The following EDARADD variants were observed in gnomAD, a reference collection of about 807,000 sequenced individuals.
EDARADD encodes ectodysplasin-A receptor-associated adapter protein.
A neutral mutation model predicts 25.6 loss-of-function variants in EDARADD; 20 were observed. The ratio of observed to expected loss-of-function variants is 0.78; its 90% CI spans 0.55 to 1.14. The LOEUF is 1.14. EDARADD is among the 50% of genes most tolerant of loss of function. The pLI is 0.00. For synonymous variants in EDARADD, 86 were observed against 94.4 expected, an observed-to-expected ratio of 0.91 and a Z score of 0.52; for missense variants, 225 against 270.1, an observed-to-expected ratio of 0.83 and a Z score of 1.17.
chr1:236,362,778 C>A (rs12565235), intron 3 of EDARADD, among the ~76,000 whole-genome samples: 21,473 of 150,998 alleles, frequency 0.14, 2,035 homozygotes, highest in East Asian at 0.43. Context: ...GTTATTCCAG[C>A]AACATCTGTT....
At chr1:236,363,006 A>AAAAAAAATATAT (rs1377112051) in intron 3 of EDARADD, among the ~76,000 whole-genome samples, 4 of 42,946 alleles carry the variant, frequency 9.3e-5, no homozygotes, top group African/African-American at 4.4e-4. Flanking sequence ...AAAAAAAAAA[A>AAAAAAAATATAT]ATATATATAT....
At chr1:236,381,776 CT>C (rs1300263414) in intron 3 of EDARADD, among the ~76,000 whole-genome samples, 122 of 16,624 alleles carry the variant, frequency 7.3e-3, no homozygotes, top group Middle Eastern at 0.05. Flanking sequence ...TGTAATATGT[CT>C]TTTTTTTTTT....
chr1:236,394,211 A>G, upstream of EDARADD: 1 of 530,576 alleles, frequency 1.9e-6, no homozygotes, highest in East Asian at 3.4e-5. Context: ...GTACAGAAAG[A>G]ACCACAAACC....
At chr1:236,388,560 C>CT (rs2102997984) in intron 3 of EDARADD, among the ~76,000 whole-genome samples, 1 of 152,268 alleles carries the variant, frequency 6.6e-6, no homozygotes, top group South Asian at 2.1e-4. Flanking sequence ...ATGTTTTTCA[C>CT]TAAAGCTTTG....
intron 3 of EDARADD, among the ~76,000 whole-genome samples, chr1:236,352,654 C>A (rs1666930026): frequency 6.6e-6 from 1 of 152,170 alleles, no homozygotes; most frequent in Admixed American, 6.5e-5. Context: ...TCAAGACCAG[C>A]CTGGCCAACA....
intron 3 of EDARADD, among the ~76,000 whole-genome samples, chr1:236,356,468 G>T (rs1284418835): frequency 6.6e-6 from 1 of 152,162 alleles, no homozygotes; most frequent in East Asian, 1.9e-4. Flanking sequence ...CCCAGTTTGA[G>T]TATCAGTGTT....
intron 5 of EDARADD, among the ~76,000 whole-genome samples, chr1:236,476,537 TTG>T (rs1322804229): frequency 4.6e-5 from 7 of 151,528 alleles, no homozygotes; most frequent in Admixed American, 1.3e-4. Flanking sequence ...TTTTTTTTTT[TTG>T]TTTGAGATGG....
rs1428417333 is a variant in EDARADD, at chr1:236,352,238, C to T, written c.-6+1399C>T. On this transcript the variant is annotated intron_variant, in intron 3 of 7. Coordinates refer to the EDARADD transcript ENST00000439430. ...CGTCTCAATGCCCGCTAAAACTGGC[C>T]TTTTAGTTATTGGTTAGGTTATTAT... is the stretch of plus-strand genomic sequence containing the variant. Among the ~76,000 whole-genome samples the T allele has an allele frequency of 2.6e-5, 4 of 152,098 alleles. No homozygotes were observed. The East Asian group carries it at 7.7e-4, about 29-fold the overall frequency.
intron 5 of EDARADD, among the ~76,000 whole-genome samples, chr1:236,479,446 G>C (rs1379789578): frequency 2.0e-5 from 3 of 150,862 alleles, no homozygotes; most frequent in Middle Eastern, 3.2e-3. Context: ...AGTGAGCCGT[G>C]ATTGTGCCAC....
rs559011066 is a variant in EDARADD, at chr1:236,456,637, A to G, written c.220-11594A>G. Among the ~76,000 whole-genome samples, 4 of 151,878 alleles carry G rather than the reference A, an allele frequency of 2.6e-5. No individual in the cohort carries two copies. The South Asian group carries it at 8.3e-4, about 32-fold the overall frequency. ...GCCACCACAGGAATGGCCACGCCTC[A>G]GATCATGTCACCGCTGGGAACAAAC... is the stretch of plus-strand genomic sequence containing the variant. On this transcript the variant is annotated intron_variant, in intron 4 of 5. Coordinates refer to ENST00000334232, the MANE Select transcript of EDARADD (RefSeq NM_145861.4).
intron 3 of EDARADD, among the ~76,000 whole-genome samples, chr1:236,353,703 T>C (rs1041511502): frequency 1.6e-4 from 23 of 140,100 alleles, no homozygotes; most frequent in Non-Finnish European, 3.2e-4. Context: ...AAAAAAGATA[T>C]TGGACTAAGG....
rs1409409334 is a variant in EDARADD at position 236,464,008 on chromosome 1, G to A, written c.220-4223G>A. Among the ~76,000 whole-genome samples, 6 of 152,290 alleles carry A rather than the reference G, an allele frequency of 3.9e-5. No individual in the cohort carries two copies. The East Asian group carries it at 1.2e-3, about 29-fold the overall frequency. ...GTTTGGAGAAGGTGTCCTAGCAGAA[G>A]TGATGTCTAAGCTGAGGCCCTACAG... On this transcript the variant is annotated intron_variant, in intron 4 of 5. Transcript: ENST00000334232.
intron 3 of EDARADD, among the ~76,000 whole-genome samples, chr1:236,424,078 C>T (rs2103014747): frequency 6.6e-6 from 1 of 151,330 alleles, no homozygotes; most frequent in Non-Finnish European, 1.5e-5. Context: ...TGCACTCCAG[C>T]CTGGGTGACA....
intron 4 of EDARADD, among the ~76,000 whole-genome samples, chr1:236,447,230 T>TTTCTTCCTTTCTTCCTTTCTTCCTTTC (rs1553268569): frequency 2.4e-5 from 3 of 126,464 alleles, no homozygotes; most frequent in African/African-American, 1.1e-4. Context: ...CTTTCCTTTC[T>TTTCTTCCTTTCTTCCTTTCTTCCTTTC]TTCCTTTCTT....
At chr1:236,348,820 C>T (rs991080230) in exon 2 of EDARADD, 1 of 152,206 alleles carries the variant, frequency 6.6e-6, no homozygotes, top group Non-Finnish European at 1.5e-5. Context: ...CACCTTTTCT[C>T]CAGTCCTTCT....
intron 3 of EDARADD, among the ~76,000 whole-genome samples, chr1:236,422,189 G>A (rs1657800315): frequency 6.6e-6 from 1 of 152,214 alleles, no homozygotes; most frequent in Admixed American, 6.5e-5. Flanking sequence ...CGAACCTGCT[G>A]CCTGATATGA....
chr1:236,483,625 A>G lies in EDARADD; in HGVS notation c.*976A>G, dbSNP rs773303070. 91 of 1,553,724 alleles carry G rather than the reference A, an allele frequency of 5.9e-5. No individual in the cohort carries two copies. Among genetic ancestry groups the G allele is most frequent in the South Asian group, 7.8e-5 (7 of 89,822 alleles). On this transcript the variant is annotated 3_prime_UTR_variant, in exon 6 of 6. Transcript: ENST00000334232. ...CCAGTCCCGGTGTTCAATGTCATCA[A>G]TGGCAGTTCTCATGCTGTCACCAAG...
chr1:236,457,905 C>T (rs1332989455), intron 4 of EDARADD, among the ~76,000 whole-genome samples: 2 of 151,718 alleles, frequency 1.3e-5, no homozygotes, highest in Non-Finnish European at 2.9e-5. Context: ...CCAAGAAGAG[C>T]GGGAGAGAAG....
chr1:236,353,438 T>C (rs942395241), intron 3 of EDARADD, among the ~76,000 whole-genome samples: 2 of 152,038 alleles, frequency 1.3e-5, no homozygotes, highest in Non-Finnish European at 2.9e-5. Flanking sequence ...TCCCAGCACT[T>C]TGGGAGGCCA....
Sources: gnomAD v4.1 joint callset for allele counts (sites outside exome capture counted in the v4.1 genomes callset) on GRCh38, gnomAD v4.1.1 for gene constraint, MANE v1.5 for transcripts, NCBI Gene and HGNC (gene_info 2026-07-23, HGNC 2026-07-21) for gene names.